Variants in IFT43 observed in about 807,000 individuals in gnomAD.
IFT43 encodes intraflagellar transport protein 43 homolog.
Under a neutral mutation model 32.3 loss-of-function variants are expected in IFT43, and 33 were observed. The ratio of observed to expected loss-of-function variants is 1.02; its 90% CI spans 0.77 to 1.37. The LOEUF (loss-of-function observed/expected upper bound fraction) is 1.37. IFT43 is among the 40% of genes most tolerant of loss of function. IFT43 has a pLI of 0.00. For synonymous variants in IFT43, 93 were observed against 98.2 expected, an observed-to-expected ratio of 0.95 and a Z score of 0.31; for missense variants, 274 against 265.9, an observed-to-expected ratio of 1.03 and a Z score of -0.21.
chr14:76,023,604 T>TGAC (rs1394054616), intron 3 of IFT43, among the ~76,000 whole-genome samples: 1 of 152,242 alleles, frequency 6.6e-6, no homozygotes, highest in Non-Finnish European at 1.5e-5. Flanking sequence ...ATGATGATGA[T>TGAC]GACTGTTTCT....
At chr14:76,012,272 G>C (rs1181610218) in intron 2 of IFT43, among the ~76,000 whole-genome samples, 6 of 152,014 alleles carry the variant, frequency 3.9e-5, no homozygotes, top group Non-Finnish European at 7.4e-5. Context: ...TCCTTTTTTG[G>C]CACTGCAGCA....
At chr14:76,073,445 A>G (rs994874976) in intron 5 of IFT43, among the ~76,000 whole-genome samples, 1 of 152,226 alleles carries the variant, frequency 6.6e-6, no homozygotes, top group Non-Finnish European at 1.5e-5. Flanking sequence ...AAACCTACAT[A>G]GGGCAGAAAT....
chr14:76,031,044 A>C lies in IFT43; in HGVS notation c.215+8650A>C, dbSNP rs1002758023. On this transcript the variant is annotated intron_variant, in intron 3 of 8. Transcript: ENST00000314067. ...TGTATATATATATAATTATATATACATACATAAAAATTATATAATTTATAT... is the reference window on the plus strand; with the variant it reads ...TGTATATATATATAATTATATATACCTACATAAAAATTATATAATTTATAT... Among the ~76,000 whole-genome samples the C allele has an allele frequency of 2.7e-5, 4 of 147,962 alleles. No individual in the cohort carries two copies. The East Asian group carries it at 5.8e-4, about 22-fold the overall frequency.
chr14:76,010,353 C>T (rs2036059943), intron 2 of IFT43, among the ~76,000 whole-genome samples: 1 of 152,182 alleles, frequency 6.6e-6, no homozygotes, highest in Admixed American at 6.5e-5. Flanking sequence ...CATCAAGGAA[C>T]AACCTCCATG....
intron 1 of IFT43, chr14:75,986,285 A>G: frequency 7.9e-7 from 1 of 1,263,412 alleles, no homozygotes; most frequent in Non-Finnish European, 1.0e-6. Context: ...GAAGGGAGGC[A>G]GGCAGGGACG....
chr14:76,043,385 G>A (rs1300056048), intron 3 of IFT43, among the ~76,000 whole-genome samples: 1 of 152,176 alleles, frequency 6.6e-6, no homozygotes, highest in African/African-American at 2.4e-5. Context: ...TGCAGGGCCT[G>A]GAACTCCAGG....
At chr14:76,005,495 C>T (rs2035964775) in intron 2 of IFT43, among the ~76,000 whole-genome samples, 1 of 152,322 alleles carries the variant, frequency 6.6e-6, no homozygotes, top group African/African-American at 2.4e-5. Flanking sequence ...TTTTATTATC[C>T]TTTCAGCAGT....
intron 3 of IFT43, among the ~76,000 whole-genome samples, chr14:76,057,438 A>G (rs7154247): frequency 0.35 from 53,015 of 151,716 alleles, 9,386 homozygotes; most frequent in African/African-American, 0.4. Flanking sequence ...ACCATGTTGG[A>G]CGGGCTGGTC....
intron 5 of IFT43, among the ~76,000 whole-genome samples, chr14:76,064,742 A>G (rs2037199660): frequency 6.6e-6 from 1 of 152,224 alleles, no homozygotes; most frequent in Admixed American, 6.5e-5. Flanking sequence ...AGAAAGCATT[A>G]AACTCAGGAA....
chr14:76,065,171 G>A (rs980767919), intron 5 of IFT43, among the ~76,000 whole-genome samples: 5 of 152,092 alleles, frequency 3.3e-5, no homozygotes, highest in African/African-American at 1.2e-4. Flanking sequence ...AAAATAACAG[G>A]ACTCAAAGAG....
chr14:76,033,086 T>C (rs1194766150), intron 3 of IFT43, among the ~76,000 whole-genome samples: 1 of 152,138 alleles, frequency 6.6e-6, no homozygotes, highest in African/African-American at 2.4e-5. Context: ...CAAGGACAGA[T>C]CATTGGATTT....
intron 1 of IFT43, among the ~76,000 whole-genome samples, chr14:75,986,539 G>A (rs1431414516): frequency 2.0e-5 from 3 of 152,104 alleles, no homozygotes; most frequent in African/African-American, 7.2e-5. Context: ...AAAAGGAAAT[G>A]CAACAATACA....
intron 3 of IFT43, among the ~76,000 whole-genome samples, chr14:76,055,202 C>T (rs911708732): frequency 2.0e-5 from 3 of 151,754 alleles, no homozygotes; most frequent in Admixed American, 1.3e-4. Flanking sequence ...AAAAATTAGC[C>T]AGGCACGGTG....
chr14:76,030,498 A>G (rs2036490513), intron 3 of IFT43, among the ~76,000 whole-genome samples: 1 of 152,324 alleles, frequency 6.6e-6, no homozygotes, highest in Middle Eastern at 3.4e-3. Flanking sequence ...GCCCATTGCT[A>G]TTGGATATCT....
chr14:76,011,139 G>A (rs189967415), intron 2 of IFT43, among the ~76,000 whole-genome samples: 3 of 152,008 alleles, frequency 2.0e-5, no homozygotes, highest in Non-Finnish European at 4.4e-5. Context: ...TGAACTTCTG[G>A]CCTCAAGTGA....
At position 76,073,266 on chromosome 14, in the gene IFT43, G is replaced by C. The variant is rs80063978; in HGVS notation, c.296-9029G>C. 1.6e-3 allele frequency among the ~76,000 whole-genome samples: 249 copies of C among 152,294 alleles called. 2 individuals carry two copies. Among genetic ancestry groups the C allele is most frequent in the Middle Eastern group, 6.8e-3 (2 of 294 alleles). On this transcript the variant is annotated intron_variant, in intron 5 of 8. Transcript: ENST00000314067. ...ATAGAAGGCTGTGGTTCATTTCTCC[G>C]TTTGAAGGCTGGCAGGTAGCTGTTG...
chr14:76,054,673 G>C (rs1467794089), intron 3 of IFT43, among the ~76,000 whole-genome samples: 1 of 152,224 alleles, frequency 6.6e-6, no homozygotes, highest in Non-Finnish European at 1.5e-5. Context: ...ATTATGATTT[G>C]CCAGGTTCCC....
At chr14:76,002,343 A>G (rs2035902287) in intron 2 of IFT43, among the ~76,000 whole-genome samples, 2 of 114,756 alleles carry the variant, frequency 1.7e-5, no homozygotes, top group Admixed American at 9.3e-5. Context: ...AACCATAGCA[A>G]GGGGAAGTGT....
At chr14:76,036,355 TTG>T (rs1328455209) in intron 3 of IFT43, among the ~76,000 whole-genome samples, 4 of 151,560 alleles carry the variant, frequency 2.6e-5, no homozygotes, top group Non-Finnish European at 4.4e-5. Flanking sequence ...TTCCTTTTTT[TTG>T]TTTGTTTGTT....
Sources: gnomAD v4.1 joint callset for allele counts (sites outside exome capture counted in the v4.1 genomes callset) on GRCh38, gnomAD v4.1.1 for gene constraint, MANE v1.5 for transcripts, NCBI Gene and HGNC (gene_info 2026-07-23, HGNC 2026-07-21) for gene names.